Variants in CMTM4 observed in about 807,000 individuals in gnomAD.
The protein encoded by CMTM4 is CKLF-like MARVEL transmembrane domain-containing protein 4.
In CMTM4, 8 loss-of-function variants were observed where a neutral mutation model predicts 19.0. That is an observed-to-expected ratio of 0.42 (90% CI 0.25 to 0.76). CMTM4 has a LOEUF of 0.76. Among genes scored for constraint, CMTM4 ranks in the 30% least tolerant of loss-of-function variants. The pLI, the probability that CMTM4 is intolerant of heterozygous loss-of-function variation, is 0.27. For missense variants in CMTM4, 228 were observed against 290.2 expected, an observed-to-expected ratio of 0.79 and a Z score of 1.56; for synonymous variants, 106 against 121.1, an observed-to-expected ratio of 0.88 and a Z score of 0.82.
intron 1 of CMTM4, among the ~76,000 whole-genome samples, chr16:66,643,593 CA>C (rs1015540376): frequency 3.9e-5 from 6 of 152,124 alleles, no homozygotes; most frequent in African/African-American, 1.4e-4. Flanking sequence ...TGTGTCTTAT[CA>C]GGAAAATACT....
At chr16:66,604,839 C>G in the CMTM4 span, 1 of 1,351,848 alleles carries the variant, frequency 7.4e-7, no homozygotes, top group Non-Finnish European at 9.5e-7. Context: ...CGACCCGGAC[C>G]CCGAGCCTGC....
rs1336410232 is a variant in CMTM4, at chr16:66,683,147, G to GTA, written c.186+13191_186+13192dup. Among the ~76,000 whole-genome samples, 757 of 96,398 alleles carry GTA rather than the reference G, an allele frequency of 7.9e-3. 27 individuals are homozygous for GTA. Among genetic ancestry groups the GTA allele is most frequent in the Admixed American group, 0.047 (420 of 9,008 alleles). 63.2% of individuals were successfully genotyped at this position (96,398 alleles called of 152,430 possible). On this transcript the variant is annotated intron_variant, in intron 1 of 3. Coordinates refer to ENST00000394106, the MANE Select transcript of CMTM4 (RefSeq NM_181521.3). ...TGTGTGTGTATATATATATATATAT[G>GTA]TATATATATATACGTATATATATAT...
intron 1 of CMTM4, among the ~76,000 whole-genome samples, chr16:66,653,846 T>C (rs1011312524): frequency 8.5e-5 from 13 of 152,176 alleles, no homozygotes; most frequent in Non-Finnish European, 1.5e-4. Flanking sequence ...CAATTCTCCC[T>C]GCCTCAGCCA....
At chr16:66,609,031 A>G in the CMTM4 span, among the ~76,000 whole-genome samples, 1 of 152,240 alleles carries the variant, frequency 6.6e-6, no homozygotes, top group Admixed American at 6.5e-5. The surrounding 1 kb of genome is among the most constrained non-coding windows in gnomAD (Gnocchi z 4.4). Context: ...ACGGATAAGC[A>G]GAAACTGTGG....
chr16:66,619,466 C>T lies in CMTM4; in HGVS notation c.*2592G>A. 1 of 985,444 alleles carries T rather than the reference C, an allele frequency of 1.0e-6. No individual in the cohort carries two copies. Among genetic ancestry groups the T allele is most frequent in the Non-Finnish European group, 1.2e-6 (1 of 829,940 alleles). 61.0% of individuals were successfully genotyped at this position (985,444 alleles called of 1,614,324 possible). The stretch of plus-strand genomic sequence containing the variant: ...AGAAAAACTAAGGTCGCTCAGCCTT[C>T]AAATGCCCCAAACCAAACTGATATT... On this transcript the variant is annotated 3_prime_UTR_variant, in exon 4 of 4. Transcript: ENST00000394106.
intron 2 of CMTM4, among the ~76,000 whole-genome samples, chr16:66,628,278 T>G (rs1282381231): frequency 6.6e-6 from 1 of 152,192 alleles, no homozygotes; most frequent in Non-Finnish European, 1.5e-5. Context: ...CCTTCCTCTT[T>G]TACTAATCCT....
intron 1 of CMTM4, 91 bp from the exon 2 acceptor site, chr16:66,636,672 A>G: frequency 9.8e-7 from 1 of 1,018,108 alleles, no homozygotes; most frequent in South Asian, 1.5e-5. Context: ...AACACTGAAC[A>G]ACAACATACT....
At chr16:66,676,339 CA>C (rs1372450076) in intron 1 of CMTM4, among the ~76,000 whole-genome samples, 1 of 152,184 alleles carries the variant, frequency 6.6e-6, no homozygotes, top group African/African-American at 2.4e-5. Context: ...TGTCTCTCCC[CA>C]TAACCATATA....
At chr16:66,633,529 C>G (rs146705212) in intron 2 of CMTM4, among the ~76,000 whole-genome samples, 1 of 152,058 alleles carries the variant, frequency 6.6e-6, no homozygotes, top group South Asian at 2.1e-4. Context: ...TTAATAGATA[C>G]CATCTTGGCA....
chr16:66,612,699 G>A, downstream of CMTM4: 5 of 1,550,232 alleles, frequency 3.2e-6, no homozygotes, highest in Non-Finnish European at 4.4e-6. The surrounding 1 kb of genome is among the most constrained non-coding windows in gnomAD (Gnocchi z 6.0). Flanking sequence ...GCCTCACAGG[G>A]GTCGCTGGCG....
At chr16:66,653,286 CAA>C (rs1400706046) in intron 1 of CMTM4, among the ~76,000 whole-genome samples, 1 of 152,070 alleles carries the variant, frequency 6.6e-6, no homozygotes, top group Non-Finnish European at 1.5e-5. Context: ...TGATTTCAGC[CAA>C]AATAGTGAAC....
intron 1 of CMTM4, among the ~76,000 whole-genome samples, chr16:66,675,983 C>A (rs1156991430): frequency 6.6e-6 from 1 of 151,908 alleles, no homozygotes; most frequent in Non-Finnish European, 1.5e-5. Flanking sequence ...CCTCTGCCAC[C>A]CAAGGAACTG....
At chr16:66,654,071 A>G (rs1462067053) in intron 1 of CMTM4, among the ~76,000 whole-genome samples, 2 of 152,136 alleles carry the variant, frequency 1.3e-5, no homozygotes, top group Non-Finnish European at 2.9e-5. Flanking sequence ...TTCACACACC[A>G]TAAAATTCAC....
intron 1 of CMTM4, among the ~76,000 whole-genome samples, chr16:66,655,886 G>A (rs1452077886): frequency 1.3e-5 from 2 of 152,130 alleles, no homozygotes; most frequent in South Asian, 2.1e-4. Context: ...GGGAGGCTAA[G>A]GCATGAAGAT....
At chr16:66,683,170 TATATACATATGTATATATATATAC>T (rs1402793805) in intron 1 of CMTM4, among the ~76,000 whole-genome samples, 1 of 83,956 alleles carries the variant, frequency 1.2e-5, no homozygotes, top group East Asian at 5.3e-4. Context: ...CGTATATATA[TATATACATATGTATATATATATAC>T]ATATATATAT....
At chr16:66,666,190 C>T (rs1051734805) in intron 1 of CMTM4, among the ~76,000 whole-genome samples, 4 of 151,638 alleles carry the variant, frequency 2.6e-5, no homozygotes, top group East Asian at 1.9e-4. Context: ...CGGTGGCTCA[C>T]GCCTGTAATC....
rs2015523917 is a variant in CMTM4, at chr16:66,616,200, T to C, written c.*5858A>G. ...TACATCTTTTTTTCCAATTCCATGA[T>C]TGACAAGAGTGCTTATGCGACGCAT... On this transcript the variant is annotated 3_prime_UTR_variant, in exon 4 of 4. Transcript: ENST00000394106. 1.3e-5 allele frequency: 2 copies of C among 152,198 alleles called. No individual in the cohort carries two copies. Among genetic ancestry groups the C allele is most frequent in the Admixed American group, 6.5e-5 (1 of 15,278 alleles). 9.4% of individuals were successfully genotyped at this position (152,198 alleles called of 1,614,324 possible).
In CMTM4 at chr16:66,696,636, T is replaced by TGACTGCCCGCGGCCCGCCC; in HGVS notation, c.-130_-112dup. ...GCCGCCGCCGCCGCCGCCGCCCGAC[T>TGACTGCCCGCGGCCCGCCC]GACTGCCCGCGGCCCGCCCGCCGCC... is the stretch of plus-strand genomic sequence containing the variant. On this transcript the variant is annotated 5_prime_UTR_variant, in exon 1 of 4. Coordinates refer to ENST00000394106, the MANE Select transcript of CMTM4 (RefSeq NM_181521.3). The surrounding 1 kb of genome is among the most constrained non-coding windows in gnomAD (Gnocchi z 4.3). The TGACTGCCCGCGGCCCGCCC allele has an allele frequency of 5.3e-6, 3 of 568,910 alleles. No individual in the cohort carries two copies. The highest frequency in any genetic ancestry group is 6.6e-6 in the Non-Finnish European group (3 of 452,492). 35.2% of individuals were successfully genotyped at this position (568,910 alleles called of 1,614,324 possible).
chr16:66,618,366 G>A lies in CMTM4; in HGVS notation c.*3692C>T. 2.0e-6 allele frequency: 2 copies of A among 985,464 alleles called. No individual in the cohort carries two copies. The highest frequency in any genetic ancestry group is 3.5e-5 in the African/African-American group (2 of 57,362). 61.0% of individuals were successfully genotyped at this position (985,464 alleles called of 1,614,324 possible). A position where few individuals can be genotyped will look rare whatever the true frequency, so the allele number is the denominator to read the frequency against. Reference sequence around the variant, plus strand: ...ACTGTTTTGTTTTGAACACAGATGAGACAATAGGAACCCTTAAATCATCAC... The same window carrying A: ...ACTGTTTTGTTTTGAACACAGATGAAACAATAGGAACCCTTAAATCATCAC... On this transcript the variant is annotated 3_prime_UTR_variant, in exon 4 of 4. Coordinates refer to ENST00000394106, the MANE Select transcript of CMTM4 (RefSeq NM_181521.3).
Sources: gnomAD v4.1 joint callset for allele counts (sites outside exome capture counted in the v4.1 genomes callset) on GRCh38, gnomAD v4.1.1 for gene constraint, Gnocchi (gnomAD v3.1) non-coding constraint, MANE v1.5 for transcripts, NCBI Gene and HGNC (gene_info 2026-07-23, HGNC 2026-07-21) for gene names.